Variants in UVRAG observed in about 807,000 individuals in gnomAD.
UVRAG encodes UV radiation resistance-associated gene protein.
A neutral mutation model predicts 78.0 loss-of-function variants in UVRAG; 19 were observed. The observed-to-expected ratio is 0.24, with a 90% confidence interval of 0.17 to 0.36. UVRAG has a LOEUF of 0.36. UVRAG is among the 10% of genes least tolerant of loss of function. The pLI, the probability that UVRAG is intolerant of heterozygous loss-of-function variation, is 1.00. For missense variants in UVRAG, 740 were observed against 853.8 expected, an observed-to-expected ratio of 0.87 and a Z score of 1.66; for synonymous variants, 323 against 324.6, an observed-to-expected ratio of 1.00 and a Z score of 0.05.
rs1565171820 is a variant in UVRAG at position 76,126,506 on chromosome 11, A to G, written c.1397+10491A>G. 2.6e-5 allele frequency among the ~76,000 whole-genome samples: 4 copies of G among 152,372 alleles called. No individual in the cohort carries two copies. In the South Asian group the frequency reaches 8.3e-4, roughly 32 times the overall value. On this transcript the variant is annotated intron_variant, in intron 14 of 14. Transcript: ENST00000356136. Reference sequence around the variant, plus strand: ...CCAGTTCCTAGTGGTCATGGTGGACAGCACAGTCCTTACAGCTTTTTTGTA... The same window carrying G: ...CCAGTTCCTAGTGGTCATGGTGGACGGCACAGTCCTTACAGCTTTTTTGTA...
At chr11:75,912,223 T>G (rs776661531) in intron 6 of UVRAG, among the ~76,000 whole-genome samples, 184 bp downstream of exon 6, 1 of 152,230 alleles carries the variant, frequency 6.6e-6, no homozygotes, top group Non-Finnish European at 1.5e-5. Flanking sequence ...TACAAAGTCT[T>G]TGGAAAGCCA....
intron 5 of UVRAG, among the ~76,000 whole-genome samples, chr11:75,901,439 C>A (rs1381356515): frequency 2.0e-5 from 3 of 152,166 alleles, no homozygotes; most frequent in African/African-American, 7.2e-5. Context: ...TTCCATGTAT[C>A]TAAACATGTG....
chr11:76,116,033 T>C lies in UVRAG; in HGVS notation c.1397+18T>C. 1 of 1,606,130 alleles carries C rather than the reference T, an allele frequency of 6.2e-7. No homozygotes were observed. Among genetic ancestry groups the C allele is most frequent in the South Asian group, 1.1e-5 (1 of 90,902 alleles). ...GTCAGGTGGTGAGTACCTTTATCTC[T>C]GATAACCAGAAACTGTAATGTGGAT... is the stretch of plus-strand genomic sequence containing the variant. On this transcript the variant is annotated intron_variant, in intron 14 of 14. Transcript: ENST00000356136.
rs1187248076 is a variant in UVRAG at position 76,141,651 on chromosome 11, C to T, written c.*238C>T. ...CTGATGATTTTAAAGCAAAAATCAC[C>T]CTCTAGTTGAAAGAGCTTACAGCTC... On this transcript the variant is annotated 3_prime_UTR_variant, in exon 15 of 15. Coordinates refer to ENST00000356136, the MANE Select transcript of UVRAG (RefSeq NM_003369.4). 1.9e-6 allele frequency: 1 copy of T among 533,444 alleles called. No individual in the cohort carries two copies. The highest frequency in any genetic ancestry group is 1.9e-5 in the African/African-American group (1 of 52,710). 33.0% of individuals were successfully genotyped at this position (533,444 alleles called of 1,614,324 possible). A position where few individuals can be genotyped will look rare whatever the true frequency, so the allele number is the denominator to read the frequency against.
chr11:75,956,288 G>A (rs1245842497), intron 6 of UVRAG, among the ~76,000 whole-genome samples: 3 of 151,848 alleles, frequency 2.0e-5, no homozygotes, highest in African/African-American at 7.3e-5. Context: ...TAGAATTGCT[G>A]GGTCATAGGT....
chr11:75,892,994 G>A (rs983957137), intron 5 of UVRAG, among the ~76,000 whole-genome samples: 1 of 151,946 alleles, frequency 6.6e-6, no homozygotes, highest in African/African-American at 2.4e-5. Flanking sequence ...CCTAGCCAAC[G>A]TGGCGAAACC....
intron 1 of UVRAG, among the ~76,000 whole-genome samples, chr11:75,827,037 G>T (rs1414406930): frequency 6.6e-6 from 1 of 152,110 alleles, no homozygotes; most frequent in East Asian, 1.9e-4. Context: ...GATGCAGTCA[G>T]ACATTTTTGA....
At chr11:76,125,983 T>C (rs913419496) in intron 14 of UVRAG, among the ~76,000 whole-genome samples, 1 of 149,942 alleles carries the variant, frequency 6.7e-6, no homozygotes, top group Non-Finnish European at 1.5e-5. Context: ...AGAGTCTCGC[T>C]CTGTCACCCA....
intron 3 of UVRAG, among the ~76,000 whole-genome samples, chr11:75,864,113 T>C (rs1161118684): frequency 6.6e-6 from 1 of 151,730 alleles, no homozygotes; most frequent in African/African-American, 2.4e-5. Flanking sequence ...TGGAGTGCAG[T>C]AGCATGATCT....
rs563640198 is a variant in UVRAG at position 76,105,217 on chromosome 11, G to A, written c.1306-10707G>A. Reference sequence around the variant, plus strand: ...TATGAAAAAAGTGCTCAGCTTGGGCGACATTGCCAAACCCCTGTTTCTACT... The same window carrying A: ...TATGAAAAAAGTGCTCAGCTTGGGCAACATTGCCAAACCCCTGTTTCTACT... On this transcript the variant is annotated intron_variant, in intron 13 of 14. Coordinates refer to ENST00000356136, the MANE Select transcript of UVRAG (RefSeq NM_003369.4). Among the ~76,000 whole-genome samples the A allele has an allele frequency of 3.3e-5, 5 of 152,134 alleles. No individual in the cohort carries two copies. In the South Asian group the frequency reaches 6.2e-4, roughly 19 times the overall value.
chr11:76,069,902 G>A (rs1168081787), intron 13 of UVRAG, among the ~76,000 whole-genome samples: 1 of 152,078 alleles, frequency 6.6e-6, no homozygotes, highest in Non-Finnish European at 1.5e-5. Context: ...AACGTTTTTT[G>A]AGAATGGAGA....
At chr11:76,128,252 T>A (rs565150870) in intron 14 of UVRAG, among the ~76,000 whole-genome samples, 1 of 152,252 alleles carries the variant, frequency 6.6e-6, no homozygotes, top group South Asian at 2.1e-4. Context: ...GTGCAAACCC[T>A]ACTGTGAACT....
chr11:75,857,647 G>C (rs142774489), intron 2 of UVRAG, among the ~76,000 whole-genome samples: 1 of 151,898 alleles, frequency 6.6e-6, no homozygotes, highest in Admixed American at 6.6e-5. Flanking sequence ...ATGCCACCAC[G>C]CCCAGCTAAT....
intron 12 of UVRAG, among the ~76,000 whole-genome samples, chr11:76,024,820 CT>C (rs780986886): frequency 1.3e-5 from 2 of 152,062 alleles, no homozygotes; most frequent in Non-Finnish European, 2.9e-5. Context: ...CATGGTTTTT[CT>C]TTCTCTTGTT....
chr11:75,877,180 C>G (rs1404282123), intron 3 of UVRAG, among the ~76,000 whole-genome samples: 1 of 151,948 alleles, frequency 6.6e-6, no homozygotes, highest in African/African-American at 2.4e-5. Context: ...GGTCACAGAT[C>G]AACAGGATCC....
chr11:76,049,203 C>T (rs1016052495), intron 12 of UVRAG, among the ~76,000 whole-genome samples: 28 of 152,248 alleles, frequency 1.8e-4, no homozygotes, highest in Non-Finnish European at 2.2e-4. Context: ...CCACTCCGCT[C>T]AGCCCTCAGC....
intron 4 of UVRAG, among the ~76,000 whole-genome samples, chr11:75,883,892 TAATA>T (rs1947013269): frequency 6.6e-6 from 1 of 152,224 alleles, no homozygotes; most frequent in Non-Finnish European, 1.5e-5. Flanking sequence ...ACCACCACCA[TAATA>T]AATAAAGCTA....
chr11:76,050,106 T>A (rs1023265390), intron 12 of UVRAG, among the ~76,000 whole-genome samples: 12 of 152,258 alleles, frequency 7.9e-5, no homozygotes, highest in African/African-American at 2.9e-4. Flanking sequence ...CAGTACTCAC[T>A]GGCGTTTGCT....
intron 13 of UVRAG, among the ~76,000 whole-genome samples, chr11:76,070,581 A>G (rs998843232): frequency 1.6e-4 from 24 of 152,196 alleles, no homozygotes; most frequent in African/African-American, 5.6e-4. Context: ...GATACAATAT[A>G]AAATTTTTTT....
Sources: gnomAD v4.1 joint callset for allele counts (sites outside exome capture counted in the v4.1 genomes callset) on GRCh38, gnomAD v4.1.1 for gene constraint, MANE v1.5 for transcripts, NCBI Gene and HGNC (gene_info 2026-07-23, HGNC 2026-07-21) for gene names.